TBC1D14: variants seen among roughly 807,000 people sequenced by gnomAD.
The protein encoded by TBC1D14 is TBC1 domain family member 14, also known as TBC1 domain family, member 14.
Under a neutral mutation model 79.0 loss-of-function variants are expected in TBC1D14, and 26 were observed. The observed-to-expected ratio is 0.33, with a 90% CI of 0.24 to 0.46. TBC1D14 has a LOEUF of 0.46. Ranked by LOEUF, TBC1D14 falls within the 20% of genes least tolerant of loss-of-function variation. The pLI, the probability that TBC1D14 is intolerant of heterozygous loss-of-function variation, is 1.00. For missense variants in TBC1D14, 769 were observed against 887.6 expected (o/e 0.87, Z 1.70); for synonymous variants, 394 against 349.9 (o/e 1.13, Z -1.40).
At chr4:6,992,711 G>A (rs1390092175) in intron 3 of TBC1D14, among the ~76,000 whole-genome samples, 1 of 152,248 alleles carries the variant, frequency 6.6e-6, no homozygotes, top group Non-Finnish European at 1.5e-5. Flanking sequence ...TGAAATTGGA[G>A]ACTTTGACAT....
chr4:6,980,813 G>T (rs1272303217), intron 3 of TBC1D14, among the ~76,000 whole-genome samples: 37 of 149,136 alleles, frequency 2.5e-4, no homozygotes, highest in Non-Finnish European at 2.7e-4. Context: ...CCTACCGGGT[G>T]CATGCCATTC....
intron 2 of TBC1D14, among the ~76,000 whole-genome samples, chr4:6,943,287 T>A (rs545045682): frequency 3.6e-4 from 55 of 152,294 alleles, no homozygotes; most frequent in Non-Finnish European, 6.5e-4. Context: ...GGAAATGGGT[T>A]TGGTGAATAA....
At chr4:6,981,022 C>CT (rs761834899) in intron 3 of TBC1D14, among the ~76,000 whole-genome samples, 18,486 of 128,060 alleles carry the variant, frequency 0.14, 1,491 homozygotes, top group Middle Eastern at 0.24. Context: ...GCCTCTGTCT[C>CT]TTTTTTTTTT....
chr4:6,999,352 C>A (rs35699858), intron 6 of TBC1D14, 150 bp downstream of exon 6: 1 of 694,664 alleles, frequency 1.4e-6, no homozygotes, highest in Non-Finnish European at 2.5e-6. Context: ...CTGGCTCAGC[C>A]TGCGCCATCC....
chr4:7,015,164 G>T (rs946402788), intron 12 of TBC1D14, among the ~76,000 whole-genome samples: 22 of 152,102 alleles, frequency 1.4e-4, no homozygotes, highest in African/African-American at 5.3e-4. Flanking sequence ...GGGCAGGATT[G>T]CGGGGCCAGG....
chr4:6,919,398 G>T (rs569932669), intron 1 of TBC1D14, among the ~76,000 whole-genome samples: 1 of 151,994 alleles, frequency 6.6e-6, no homozygotes, highest in South Asian at 2.1e-4. Flanking sequence ...CGCCCGTCTC[G>T]GCCTCCCAAA....
intron 12 of TBC1D14, among the ~76,000 whole-genome samples, chr4:7,017,874 T>C (rs536235637): frequency 6.6e-6 from 1 of 152,214 alleles, no homozygotes; most frequent in Non-Finnish European, 1.5e-5. Flanking sequence ...TGGTCCGCAG[T>C]GATTCAGGCT....
At chr4:7,016,142 C>T (rs1432391797) in intron 12 of TBC1D14, among the ~76,000 whole-genome samples, 1 of 152,066 alleles carries the variant, frequency 6.6e-6, no homozygotes, top group Non-Finnish European at 1.5e-5. Flanking sequence ...TGTCCGAAAC[C>T]CTGGACTGTT....
At chr4:6,991,922 T>G (rs1460011730) in intron 3 of TBC1D14, among the ~76,000 whole-genome samples, 1 of 152,192 alleles carries the variant, frequency 6.6e-6, no homozygotes, top group Non-Finnish European at 1.5e-5. Context: ...TTACTTCCTT[T>G]TACTCCTACT....
intron 12 of TBC1D14, among the ~76,000 whole-genome samples, chr4:7,019,484 T>G (rs35772786): frequency 0.47 from 72,054 of 152,020 alleles, 17,329 homozygotes; most frequent in East Asian, 0.6. Flanking sequence ...CACGTCTGGC[T>G]TAGGTTGGGT....
At chr4:6,954,348 T>TGCTTTCTTG in intron 2 of TBC1D14, 2 of 717,500 alleles carry the variant, frequency 2.8e-6, no homozygotes, top group Non-Finnish European at 5.2e-6. Flanking sequence ...GGTTTGTGGC[T>TGCTTTCTTG]GCTTTCTTGC....
intron 1 of TBC1D14, among the ~76,000 whole-genome samples, chr4:6,912,253 G>C (rs551137259): frequency 1.3e-5 from 2 of 152,048 alleles, no homozygotes; most frequent in East Asian, 3.9e-4. Context: ...GCTGGTTGTG[G>C]TGGTGCGTGC....
rs1424688660 is a variant in TBC1D14, at chr4:7,009,924, T to G, written c.1494T>G (p.Thr498=). Residue 498 remains threonine, a synonymous_variant, in exon 10 of 14, where the codon ACT becomes ACG. Transcript: ENST00000409757. ...TGCACAGTATTTTGGGCGCTTATAC[T>G]TGTTACCGGCCAGATGTGGGTTATG... ...DMLHSILGAY[T]CYRPDVGYVQ... is the part of the protein sequence containing the mutation. 1.1e-5 allele frequency: 18 copies of G among 1,614,230 alleles called. No individual in the cohort carries two copies. In the South Asian group the frequency reaches 1.9e-4, roughly 17 times the overall value.
At chr4:7,025,767 C>A (rs1208936109) in intron 13 of TBC1D14, among the ~76,000 whole-genome samples, 3 of 152,214 alleles carry the variant, frequency 2.0e-5, no homozygotes, top group South Asian at 4.1e-4. Flanking sequence ...TCTTCCCATG[C>A]GCTGCTGTGC....
chr4:6,998,993 G>A (rs1719377433), intron 5 of TBC1D14, 92 bp from the exon 6 acceptor site: 2 of 1,270,756 alleles, frequency 1.6e-6, no homozygotes, highest in Non-Finnish European at 1.1e-6. Flanking sequence ...CGGTTTTCCT[G>A]GTGTGTTCGC....
chr4:6,989,709 C>T (rs1432519662), intron 3 of TBC1D14, among the ~76,000 whole-genome samples: 1 of 152,178 alleles, frequency 6.6e-6, no homozygotes, highest in Non-Finnish European at 1.5e-5. Flanking sequence ...TTCCTCTTTT[C>T]CACATGGCCC....
chr4:6,934,105 A>T (rs758123912), intron 2 of TBC1D14, among the ~76,000 whole-genome samples: 1 of 151,918 alleles, frequency 6.6e-6, no homozygotes, highest in Non-Finnish European at 1.5e-5. Flanking sequence ...TCCTGGCAGG[A>T]GTGGGGCTGG....
rs190903352 is a variant in TBC1D14 at position 6,954,477 on chromosome 4, G to A, written c.723-12827G>A. 2.2e-3 allele frequency: 1,551 copies of A among 692,094 alleles called. 20 individuals carry two copies. Among genetic ancestry groups the A allele is most frequent in the South Asian group, 0.012 (772 of 63,256 alleles). The allele number at this position is 692,094 out of a possible 1,614,324, so 42.9% of individuals were successfully genotyped here. ...GAGGTGTTTCTGTGGGTCTCCCCCG[G>A]TGTGAAATGGAGGTGATCCTTTCTA... On this transcript the variant is annotated intron_variant, in intron 2 of 13. Transcript: ENST00000409757.
intron 3 of TBC1D14, chr4:6,987,613 A>G (rs1253314276): frequency 1.4e-4 from 55 of 387,346 alleles, no homozygotes; most frequent in African/African-American, 2.1e-5. Context: ...GTTCACGTTT[A>G]CTAGGACGAC....
Sources: gnomAD v4.1 joint callset for allele counts (sites outside exome capture counted in the v4.1 genomes callset) on GRCh38, gnomAD v4.1.1 for gene constraint, MANE v1.5 for transcripts, NCBI Gene and HGNC (gene_info 2026-07-23, HGNC 2026-07-21) for gene names.